IFT80: variants seen among roughly 807,000 people sequenced by gnomAD.
IFT80 encodes the protein intraflagellar transport protein 80 homolog.
IFT80 carries 79 observed loss-of-function variants against 107.9 expected under a neutral mutation model. The ratio of observed to expected loss-of-function variants is 0.73; its 90% CI spans 0.61 to 0.88. IFT80 has a LOEUF of 0.88. Among genes scored for constraint, IFT80 ranks in the 40% least tolerant of loss-of-function variants. The pLI, the probability that IFT80 is intolerant of heterozygous loss-of-function variation, is 0.00. For synonymous variants in IFT80, 299 were observed against 300.9 expected, an observed-to-expected ratio of 0.99 and a Z score of 0.07; for missense variants, 797 against 914.2, an observed-to-expected ratio of 0.87 and a Z score of 1.65.
intron 14 of IFT80, among the ~76,000 whole-genome samples, chr3:160,281,093 C>G (rs550079942): frequency 1.3e-5 from 2 of 152,240 alleles, no homozygotes; most frequent in Admixed American, 6.5e-5. Flanking sequence ...ATAAGTTAAT[C>G]CTCTTGCCCT....
intron 9 of IFT80, among the ~76,000 whole-genome samples, chr3:160,309,410 G>A (rs781241782): frequency 2.0e-5 from 3 of 152,156 alleles, no homozygotes; most frequent in South Asian, 2.1e-4. Context: ...GAAAAAATGC[G>A]CTAGGTGTGG....
intron 9 of IFT80, 58 bp downstream of exon 9, chr3:160,319,702 G>A (rs1350898502): frequency 1.5e-6 from 2 of 1,313,196 alleles, no homozygotes; most frequent in Admixed American, 1.7e-5. Flanking sequence ...TCCATATTCT[G>A]TACAGTTAAC....
At chr3:160,300,279 A>T (rs555007074) in intron 12 of IFT80, among the ~76,000 whole-genome samples, 1 of 152,134 alleles carries the variant, frequency 6.6e-6, no homozygotes. Flanking sequence ...CATAGTAAGC[A>T]CTCAATAATA....
chr3:160,319,515 A>G (rs1718051430), intron 9 of IFT80, among the ~76,000 whole-genome samples: 1 of 151,978 alleles, frequency 6.6e-6, no homozygotes, highest in Admixed American at 6.6e-5. Context: ...TATTTCCTCC[A>G]GGTTTCCAAT....
chr3:160,281,496 A>G (rs1576746663), intron 14 of IFT80, among the ~76,000 whole-genome samples: 1 of 152,190 alleles, frequency 6.6e-6, no homozygotes, highest in African/African-American at 2.4e-5. Context: ...ATGTCAGGTG[A>G]CCATCAGGTG....
chr3:160,311,520 T>A (rs1461692038), intron 9 of IFT80, among the ~76,000 whole-genome samples: 1 of 152,044 alleles, frequency 6.6e-6, no homozygotes, highest in Non-Finnish European at 1.5e-5. Flanking sequence ...CCAGAACTAG[T>A]GACAAAGAAA....
At chr3:160,384,403 T>C in intron 2 of IFT80, 161 bp downstream of exon 2, 1 of 1,311,766 alleles carries the variant, frequency 7.6e-7, no homozygotes, top group Non-Finnish European at 9.7e-7. Flanking sequence ...GAGAATTACT[T>C]ACAACACATG....
chr3:160,307,853 A>G (rs1716939701), intron 9 of IFT80, 72 bp from the exon 10 acceptor site: 1 of 805,256 alleles, frequency 1.2e-6, no homozygotes. Flanking sequence ...AGTTAGCAAG[A>G]TTTTGAAACA....
intron 8 of IFT80, among the ~76,000 whole-genome samples, chr3:160,326,626 C>G (rs185171845): frequency 3.4e-4 from 51 of 152,194 alleles, no homozygotes; most frequent in Non-Finnish European, 5.3e-4. Context: ...ATTCAACATC[C>G]CTTCATGTTA....
intron 12 of IFT80, among the ~76,000 whole-genome samples, chr3:160,294,654 G>C (rs1385632174): frequency 6.6e-6 from 1 of 152,216 alleles, no homozygotes; most frequent in East Asian, 1.9e-4. Context: ...TTACAAATTT[G>C]TGGCCTTATT....
intron 19 of IFT80, 63 bp downstream of exon 19, chr3:160,268,349 AG>A: frequency 7.2e-7 from 1 of 1,394,476 alleles, no homozygotes; most frequent in Non-Finnish European, 1.0e-6. Context: ...TTGTCTCATT[AG>A]GATGAATATG....
intron 19 of IFT80, among the ~76,000 whole-genome samples, chr3:160,264,626 ACAGGGTTTAACCATGT>A (rs1713143960): frequency 7.0e-6 from 1 of 142,028 alleles, no homozygotes; most frequent in South Asian, 2.2e-4. Flanking sequence ...TTTGGTAGAG[ACAGGGTTTAACCATGT>A]TGCCCAGGCT....
intron 8 of IFT80, among the ~76,000 whole-genome samples, chr3:160,328,557 A>G (rs1718850899): frequency 6.6e-6 from 1 of 152,008 alleles, no homozygotes; most frequent in South Asian, 2.1e-4. Context: ...GGGAGTGTAA[A>G]TTAGTTCATT....
rs1307602114 is a variant in IFT80, at chr3:160,381,260, ATATATT to A, written c.259+237_259+242del. On this transcript the variant is annotated intron_variant, in intron 3 of 19. Coordinates refer to ENST00000326448, the MANE Select transcript of IFT80 (RefSeq NM_020800.3). ...TCTAAATATATATATATATATATAT[ATATATT>A]AAAGCCAAAGACCCATATTCAATCC... Among the ~76,000 whole-genome samples, 5 of 139,214 alleles carry A rather than the reference ATATATT, an allele frequency of 3.6e-5. 1 individual carries two copies. The highest frequency in any genetic ancestry group is 1.3e-4 in the African/African-American group (5 of 39,244). 91.3% of individuals were successfully genotyped at this position (139,214 alleles called of 152,430 possible). A position where few individuals can be genotyped will look rare whatever the true frequency, so the allele number is the denominator to read the frequency against.
At chr3:160,276,925 A>G (rs762136423) in intron 18 of IFT80, among the ~76,000 whole-genome samples, 6 of 152,194 alleles carry the variant, frequency 3.9e-5, no homozygotes, top group Non-Finnish European at 7.3e-5. Context: ...CCTCTAGTTC[A>G]GATATTTCTT....
rs1360070979 is a variant in IFT80 at position 160,300,881 on chromosome 3, A to C, written c.1315+2T>G. 1 of 1,593,038 alleles carries C rather than the reference A, an allele frequency of 6.3e-7. No homozygotes were observed. The highest frequency in any genetic ancestry group is 1.7e-5 in the Admixed American group (1 of 57,534). On this transcript the variant is annotated splice_donor_variant, in intron 12 of 19. Transcript: ENST00000326448. LOFTEE classifies it high-confidence loss of function. Reference sequence around the variant, plus strand: ...CAGGAAAAATTATAAAAATATACTTACTTTTTTCATCAGCTTTGTCTCTTA... The same window carrying C: ...CAGGAAAAATTATAAAAATATACTTCCTTTTTTCATCAGCTTTGTCTCTTA...
At chr3:160,321,987 G>T in intron 8 of IFT80, among the ~76,000 whole-genome samples, 1 of 150,244 alleles carries the variant, frequency 6.7e-6, no homozygotes, top group African/African-American at 2.5e-5. Flanking sequence ...ACAGTAGAAA[G>T]GGTCATTGTC....
intron 12 of IFT80, among the ~76,000 whole-genome samples, chr3:160,296,890 T>C (rs1180046670): frequency 6.6e-6 from 1 of 152,156 alleles, no homozygotes; most frequent in Non-Finnish European, 1.5e-5. Context: ...TTCTCCCAGT[T>C]CTCTTCTATT....
At chr3:160,353,221 C>G (rs1720839475) in intron 8 of IFT80, among the ~76,000 whole-genome samples, 1 of 152,172 alleles carries the variant, frequency 6.6e-6, no homozygotes, top group Non-Finnish European at 1.5e-5. Flanking sequence ...TACACACCAT[C>G]CATGGCTCTC....
Sources: allele counts gnomAD v4.1 joint callset (sites outside exome capture counted in the v4.1 genomes callset), GRCh38; gene constraint gnomAD v4.1.1; transcripts MANE v1.5; gene names NCBI Gene and HGNC (gene_info 2026-07-23, HGNC 2026-07-21).